The following ARRDC2 variants were observed in gnomAD, a reference collection of about 807,000 sequenced individuals.
ARRDC2 encodes the protein arrestin domain containing 2, also known as arrestin domain-containing protein 2.
Under a neutral mutation model 38.9 loss-of-function variants are expected in ARRDC2, and 39 were observed. That is an observed-to-expected ratio of 1.00 (90% confidence interval 0.78 to 1.31). The LOEUF (loss-of-function observed/expected upper bound fraction) is 1.31. Ranked by LOEUF, ARRDC2 falls within the 50% of genes most tolerant of loss-of-function variation. ARRDC2 has a pLI of 0.00. For missense variants in ARRDC2, 553 were observed against 588.4 expected (o/e 0.94, Z 0.62); for synonymous variants, 300 against 261.9 (o/e 1.15, Z -1.41).
upstream of ARRDC2, among the ~76,000 whole-genome samples, chr19:18,005,603 G>T (rs1341514027): frequency 6.7e-6 from 1 of 150,188 alleles, no homozygotes; most frequent in Admixed American, 6.6e-5. Flanking sequence ...CGGACGGGGC[G>T]GCTGGCCGGG....
At position 18,013,058 on chromosome 19, in the gene ARRDC2, C is replaced by T. The variant is rs919647198; in HGVS notation, c.*92C>T. 33 of 1,367,406 alleles carry T rather than the reference C, an allele frequency of 2.4e-5. No individual in the cohort carries two copies. Among genetic ancestry groups the T allele is most frequent in the African/African-American group, 2.9e-5 (2 of 68,812 alleles). 84.7% of individuals were successfully genotyped at this position (1,367,406 alleles called of 1,614,324 possible). A position where few individuals can be genotyped will look rare whatever the true frequency, so the allele number is the denominator to read the frequency against. On this transcript the variant is annotated 3_prime_UTR_variant, in exon 8 of 8. Transcript: ENST00000222250. The stretch of plus-strand genomic sequence containing the variant: ...TGGCTGGACCAAGGGCTGACCTCCC[C>T]GACTGCATCAAAGTTGGGGAACCAA...
At chr19:18,009,236 G>A (rs2033352404) in intron 3 of ARRDC2, 118 bp downstream of exon 3, 1 of 1,232,122 alleles carries the variant, frequency 8.1e-7, no homozygotes, top group Non-Finnish European at 1.1e-6. Context: ...CAGGGAGGGA[G>A]GCAGGTGTGG....
intron 4 of ARRDC2, 27 bp downstream of exon 4, chr19:18,009,721 G>GA: frequency 6.2e-7 from 1 of 1,612,804 alleles, no homozygotes; most frequent in East Asian, 2.2e-5. Context: ...ACTGGGTTGG[G>GA]ACGGGGGCTG....
At position 18,012,984 on chromosome 19, in the gene ARRDC2, C is replaced by T. The variant is rs368437997; in HGVS notation, c.*18C>T. On this transcript the variant is annotated 3_prime_UTR_variant, in exon 8 of 8. Transcript: ENST00000222250. ...CTTGCTGAACGGCACAGGGACCCCTCGAGGAACAAGGTTGCACACCAGCTT... is the reference window on the plus strand; with the variant it reads ...CTTGCTGAACGGCACAGGGACCCCTTGAGGAACAAGGTTGCACACCAGCTT... 199 of 1,613,156 alleles carry T rather than the reference C, an allele frequency of 1.2e-4. No homozygotes were observed. The African/African-American group carries it at 2.2e-3, about 18-fold the overall frequency.
intron 7 of ARRDC2, among the ~76,000 whole-genome samples, chr19:18,012,538 G>C (rs928778877): frequency 7.2e-5 from 11 of 152,184 alleles, no homozygotes; most frequent in Non-Finnish European, 1.3e-4. Flanking sequence ...AGTGAGCCGA[G>C]ATTGCGCCAC....
chr19:18,008,134 C>CCCCCCGCA, upstream of ARRDC2: 1 of 1,301,160 alleles, frequency 7.7e-7, no homozygotes, highest in Non-Finnish European at 9.9e-7. Flanking sequence ...CCCCCCCGCC[C>CCCCCCGCA]TGCCGTATAA....
chr19:18,005,554 C>T (rs571761625), upstream of ARRDC2, among the ~76,000 whole-genome samples: 451 of 151,326 alleles, frequency 3.0e-3, 5 homozygotes, highest in African/African-American at 0.01. Flanking sequence ...TCCTCACTTC[C>T]CAGTAGGGGC....
Position 18,008,416 on chromosome 19 carries a change from C to T in ARRDC2, c.106C>T (p.Leu36=), listed in dbSNP as rs1395729119. Residue 36 remains leucine (L), a synonymous_variant, in exon 1 of 8, where the codon CTG becomes TTG. Transcript: ENST00000222250. The stretch of plus-strand genomic sequence containing the variant: ...CCAGGCCGTGGCGGGCCGGGTGCTG[C>T]TGGAGCTGTCAAGCGCCGCGCGTGT... ...GGQAVAGRVL[L]ELSSAARVGA... is the part of the protein sequence containing the mutation. 6.3e-7 allele frequency: 1 copy of T among 1,594,346 alleles called. No individual in the cohort carries two copies. The highest frequency in any genetic ancestry group is 1.7e-5 in the Admixed American group (1 of 59,586).
intron 7 of ARRDC2, among the ~76,000 whole-genome samples, chr19:18,011,948 ATATATTT>A (rs1478865734): frequency 1.3e-4 from 7 of 55,096 alleles, no homozygotes; most frequent in African/African-American, 4.3e-4. Context: ...ATATATATAT[ATATATTT>A]TTTTTTTTTT....
upstream of ARRDC2, among the ~76,000 whole-genome samples, chr19:18,004,367 C>G (rs1310122280): frequency 6.7e-6 from 1 of 150,312 alleles, no homozygotes; most frequent in Non-Finnish European, 1.5e-5. Flanking sequence ...CCTGCCTCAG[C>G]CTCCCAAGTA....
upstream of ARRDC2, among the ~76,000 whole-genome samples, chr19:18,004,504 C>G (rs1180435146): frequency 6.6e-6 from 1 of 150,548 alleles, no homozygotes; most frequent in Non-Finnish European, 1.5e-5. Flanking sequence ...GCCTCGGCCT[C>G]CCAAAGTGCT....
chr19:18,006,502 G>T (rs1286926379), upstream of ARRDC2, among the ~76,000 whole-genome samples: 4 of 152,150 alleles, frequency 2.6e-5, no homozygotes, highest in Non-Finnish European at 5.9e-5. Context: ...GCCTGCAATC[G>T]CAGGCACTCG....
At chr19:18,012,312 T>C (rs2033431001) in intron 7 of ARRDC2, among the ~76,000 whole-genome samples, 1 of 151,578 alleles carries the variant, frequency 6.6e-6, no homozygotes, top group South Asian at 2.1e-4. Flanking sequence ...GAGGGCTGGA[T>C]GCAGTGGCTC....
At chr19:18,009,362 G>A (rs2033355225) in intron 3 of ARRDC2, 3 of 633,810 alleles carry the variant, frequency 4.7e-6, no homozygotes, top group Non-Finnish European at 8.2e-6. Flanking sequence ...CCAGAGCTAG[G>A]GCTTACCAAG....
chr19:18,008,641 G>T lies in ARRDC2; in HGVS notation c.274+57G>T. 2 of 1,602,262 alleles carry T rather than the reference G, an allele frequency of 1.2e-6. 1 individual carries two copies. Among genetic ancestry groups the T allele is most frequent in the South Asian group, 2.2e-5 (2 of 90,986 alleles). ...GTTGTGTGCCTCCCACCACCTGGACGGCGGTACCTCCGTCAGCCCTGGGAC... is the reference window on the plus strand; with the variant it reads ...GTTGTGTGCCTCCCACCACCTGGACTGCGGTACCTCCGTCAGCCCTGGGAC... On this transcript the variant is annotated intron_variant, in intron 1 of 7. Transcript: ENST00000222250.
At chr19:18,009,559 A>C (rs779371635) in intron 3 of ARRDC2, 33 bp from the exon 4 acceptor site, 1 of 1,552,876 alleles carries the variant, frequency 6.4e-7, no homozygotes, top group South Asian at 1.2e-5. Flanking sequence ...GCACAAAGTG[A>C]CTCATCCATG....
Position 18,008,529 on chromosome 19 carries a change from G to A in ARRDC2, c.219G>A (p.Gln73=). Reference sequence around the variant, plus strand: ...CGGGCTCGAGCACGGCTTACACGCAGAGCTACAGTGAACGCGTGGAGGTCG... The same window carrying A: ...CGGGCTCGAGCACGGCTTACACGCAAAGCTACAGTGAACGCGTGGAGGTCG... The part of the protein sequence containing the change: ...RSAGSSTAYT[Q]SYSERVEVVS... Residue 73 remains glutamine, a synonymous_variant, in exon 1 of 8, where the codon CAG becomes CAA. Coordinates refer to ENST00000222250, the MANE Select transcript of ARRDC2 (RefSeq NM_015683.2). The A allele has an allele frequency of 1.3e-6, 2 of 1,550,556 alleles. No individual in the cohort carries two copies. Among genetic ancestry groups the A allele is most frequent in the Non-Finnish European group, 1.7e-6 (2 of 1,155,538 alleles).
rs762049398 is a variant in ARRDC2 at position 18,009,047 on chromosome 19, G to C, written c.418G>C (p.Val140Leu). 2 of 1,613,522 alleles carry C rather than the reference G, an allele frequency of 1.2e-6. No homozygotes were observed. The highest frequency in any genetic ancestry group is 2.7e-5 in the African/African-American group (2 of 74,916). ...CAAGGCCACCCTGCACCGGCCCTGG[G>C]TCCCAGCACGCCGGGCAAGGAAGGT... ...CIKATLHRPW[V>L]PARRARKVFT... Residue 140 changes from valine (V) to leucine (L), a missense_variant, in exon 3 of 8, where the codon GTC becomes CTC. Physicochemically the swap from Val to Leu is conservative, Grantham distance 32. Transcript: ENST00000222250.
In ARRDC2 at chr19:18,010,617, C is replaced by G. The variant is rs2033392486; in HGVS notation, c.1058C>G (p.Ala353Gly). 4 of 1,613,846 alleles carry G rather than the reference C, an allele frequency of 2.5e-6. No homozygotes were observed. The highest frequency in any genetic ancestry group is 1.3e-5 in the African/African-American group (1 of 75,064). ...SEVVADTEEA[A>G]LGQSPFPLPQ... ...GTGGTAGCCGACACTGAGGAGGCAGCCTTGGGGCAGAGCCCCTTCCCGCTT... is the reference window on the plus strand; with the variant it reads ...GTGGTAGCCGACACTGAGGAGGCAGGCTTGGGGCAGAGCCCCTTCCCGCTT... Residue 353 changes from alanine (A) to glycine (G), a missense_variant, in exon 7 of 8, where the codon GCC (alanine) becomes GGC (glycine). By Grantham distance (60) the Ala-to-Gly change is moderately conservative. This residue lies in a region of ARRDC2 where 100 missense variants were observed against 107.6 expected (regional missense o/e 0.93). Transcript: ENST00000222250.
Sources: allele counts gnomAD v4.1 joint callset (sites outside exome capture counted in the v4.1 genomes callset), GRCh38; gene constraint gnomAD v4.1.1; regional missense constraint gnomAD v4.1.1; transcripts MANE v1.5; gene names NCBI Gene and HGNC (gene_info 2026-07-23, HGNC 2026-07-21).